The following GAA variants were observed in gnomAD, a reference collection of about 807,000 sequenced individuals.
The protein encoded by GAA is lysosomal alpha-glucosidase.
A neutral mutation model predicts 103.9 loss-of-function variants in GAA; 88 were observed. The observed-to-expected ratio is 0.85, with a 90% CI of 0.71 to 1.01. The LOEUF is 1.01. Among genes scored for constraint, GAA ranks in the 50% least tolerant of loss-of-function variants. The pLI is 0.00. For missense variants in GAA, 1,350 were observed against 1,305.3 expected, an observed-to-expected ratio of 1.03 and a Z score of -0.53; for synonymous variants, 572 against 563.1, an observed-to-expected ratio of 1.02 and a Z score of -0.22.
chr17:80,118,094 G>A (rs1024449129), intron 17 of GAA, 99 bp from the exon 18 acceptor site: 1 of 1,371,796 alleles, frequency 7.3e-7, no homozygotes, highest in African/African-American at 1.4e-5. Flanking sequence ...CCTAGTTACT[G>A]GCAGCCTGGT....
At chr17:80,111,714 A>G (rs2039240460) in intron 11 of GAA, 3 of 523,388 alleles carry the variant, frequency 5.7e-6, no homozygotes, top group Non-Finnish European at 1.0e-5. Flanking sequence ...AAATGGGCCA[A>G]GAGACGGTGG....
In GAA at chr17:80,108,563, A is replaced by C. The variant is rs2039151699; in HGVS notation, c.1150A>C (p.Thr384Pro). Reference protein sequence around the residue: ...CRWGYSSTAITRQVVENMTRA... With the variant: ...CRWGYSSTAIPRQVVENMTRA... Reference sequence around the variant, plus strand: ...CTGGGGCTACTCCTCCACCGCTATCACCCGCCAGGTGGTGGAGAACATGAC... The same window carrying C: ...CTGGGGCTACTCCTCCACCGCTATCCCCCGCCAGGTGGTGGAGAACATGAC... The change falls in exon 7 of 20, where the codon ACC becomes CCC. Residue 384 changes from threonine (T) to proline (P), a missense_variant. Thr to Pro is a conservative substitution (Grantham distance 38). Transcript: ENST00000302262. 6.2e-7 allele frequency: 1 copy of C among 1,612,510 alleles called. No homozygotes were observed.
In GAA at chr17:80,105,056, C is replaced by T; in HGVS notation, c.470C>T (p.Pro157Leu). The T allele has an allele frequency of 6.2e-7, 1 of 1,612,900 alleles. No homozygotes were observed. The highest frequency in any genetic ancestry group is 1.1e-5 in the South Asian group (1 of 91,084). ...GYTATLTRTT[P>L]TFFPKDILTL... The stretch of plus-strand genomic sequence containing the variant: ...ACGGCCACCCTGACCCGTACCACCC[C>T]CACCTTCTTCCCCAAGGACATCCTG... The change falls in exon 2 of 20, where the codon CCC becomes CTC. Residue 157 changes from proline to leucine, a missense_variant. Transcript: ENST00000302262.
intron 9 of GAA, 32 bp downstream of exon 9, chr17:80,110,087 A>G: frequency 6.4e-7 from 1 of 1,558,128 alleles, no homozygotes; most frequent in South Asian, 1.1e-5. Flanking sequence ...CGGGGGTTAG[A>G]AAGCAGAGGC....
intron 11 of GAA, 57 bp from the exon 12 acceptor site, chr17:80,111,926 G>A: frequency 6.9e-7 from 1 of 1,456,966 alleles, no homozygotes; most frequent in East Asian, 2.3e-5. Flanking sequence ...GGCAGGGAGG[G>A]CACCTTGGAG....
intron 17 of GAA, 137 bp downstream of exon 17, chr17:80,117,886 C>T: frequency 1.1e-6 from 1 of 916,562 alleles, no homozygotes; most frequent in Non-Finnish European, 1.6e-6. Flanking sequence ...TATCAAGGAG[C>T]CAGCCAGGCC....
At chr17:80,110,179 G>A in intron 9 of GAA, 124 bp downstream of exon 9, 1 of 747,100 alleles carries the variant, frequency 1.3e-6, no homozygotes, top group Non-Finnish European at 2.3e-6. Context: ...CAGCTGAGAG[G>A]AATGGGCCAC....
In GAA at chr17:80,108,622, TGGC is replaced by T. The variant is rs750576595; in HGVS notation, c.1194+16_1194+18del. On this transcript the variant is annotated intron_variant, in intron 7 of 19. Transcript: ENST00000302262. ...ACTTCCCCCTGGTGAGTTGGGGTGG[TGGC>T]AGGGGAGGCAAGGGGCTGGCCGGGA... 5 of 1,612,396 alleles carry T rather than the reference TGGC, an allele frequency of 3.1e-6. No individual in the cohort carries two copies. The African/African-American group carries it at 6.7e-5, about 22-fold the overall frequency.
chr17:80,109,969 C>T lies in GAA; in HGVS notation c.1351C>T (p.Pro451Ser), dbSNP rs1179634549. The T allele has an allele frequency of 6.2e-7, 1 of 1,613,370 alleles. No individual in the cohort carries two copies. Among genetic ancestry groups the T allele is most frequent in the East Asian group, 2.2e-5 (1 of 44,882 alleles). The stretch of plus-strand genomic sequence containing the variant: ...GGATCCTGCCATCAGCAGCTCGGGC[C>T]CTGCCGGGAGCTACAGGCCCTACGA... ...IVDPAISSSG[P>S]AGSYRPYDEG... The change falls in exon 9 of 20, where the codon CCT (proline) becomes TCT (serine). Residue 451 changes from proline to serine, a missense_variant. By Grantham distance (74) the Pro-to-Ser change is moderately conservative. Transcript: ENST00000302262.
chr17:80,105,809 C>A lies in GAA; in HGVS notation c.607C>A (p.Arg203=). 1 of 1,611,002 alleles carries A rather than the reference C, an allele frequency of 6.2e-7. No individual in the cohort carries two copies. The highest frequency in any genetic ancestry group is 8.5e-7 in the Non-Finnish European group (1 of 1,179,990). Residue 203 remains arginine, a synonymous_variant, in exon 3 of 20, where the codon CGG becomes AGG. Coordinates refer to ENST00000302262, the MANE Select transcript of GAA (RefSeq NM_000152.5). ...CTTGGAGACCCCGCATGTCCACAGC[C>A]GGGCACCGTCCCCACTCTACAGCGT... is the stretch of plus-strand genomic sequence containing the variant. ...VPLETPHVHS[R]APSPLYSVEF...
rs754822162 is a variant in GAA, at chr17:80,119,380, A to G, written c.*49A>G. 6.6e-7 allele frequency: 1 copy of G among 1,519,556 alleles called. No homozygotes were observed. Among genetic ancestry groups the G allele is most frequent in the Non-Finnish European group, 9.1e-7 (1 of 1,094,370 alleles). 94.1% of individuals were successfully genotyped at this position (1,519,556 alleles called of 1,614,324 possible). On this transcript the variant is annotated 3_prime_UTR_variant, in exon 20 of 20. Coordinates refer to ENST00000302262, the MANE Select transcript of GAA (RefSeq NM_000152.5). Reference sequence around the variant, plus strand: ...CCAGAGGGAGGCTGGTTCCCCAGGGAAGCAGAGCCTGTGTGCGGGCAGCAG... The same window carrying G: ...CCAGAGGGAGGCTGGTTCCCCAGGGGAGCAGAGCCTGTGTGCGGGCAGCAG...
intron 14 of GAA, 37 bp downstream of exon 14, chr17:80,113,064 C>G (rs1229434728): frequency 6.3e-7 from 1 of 1,578,908 alleles, no homozygotes; most frequent in African/African-American, 1.3e-5. Flanking sequence ...GTGGGCGATC[C>G]CACCCACCCA....
In GAA at chr17:80,110,936, T is replaced by G; in HGVS notation, c.1552-5T>G. ...AGTCACCTACCAGCAGCGCTTCTCT[T>G]GCAGGACATGAACGAGCCTTCCAAC... On this transcript the variant is annotated splice_region_variant and splice_polypyrimidine_tract_variant and intron_variant, in intron 10 of 19. Transcript: ENST00000302262. The G allele has an allele frequency of 6.2e-7, 1 of 1,613,940 alleles. No homozygotes were observed. Among genetic ancestry groups the G allele is most frequent in the South Asian group, 1.1e-5 (1 of 91,090 alleles).
chr17:80,118,412 G>A (rs141765552), intron 18 of GAA, 55 bp downstream of exon 18: 1 of 1,556,098 alleles, frequency 6.4e-7, no homozygotes, highest in Admixed American at 1.8e-5. Context: ...GGGTTGAGAA[G>A]GGGTGAGGGG....
intron 13 of GAA, 68 bp from the exon 14 acceptor site, chr17:80,112,808 C>G: frequency 6.3e-7 from 1 of 1,580,544 alleles, no homozygotes; most frequent in Non-Finnish European, 8.6e-7. Flanking sequence ...AGGTGGGGCT[C>G]TGGGTCACTT....
Position 80,117,245 on chromosome 17 carries a change from C to G in GAA, c.2331+136C>G, listed in dbSNP as rs369896995. 8.6e-6 allele frequency: 8 copies of G among 935,418 alleles called. No individual in the cohort carries two copies. In the African/African-American group the frequency reaches 9.8e-5, roughly 11 times the overall value. The allele number at this position is 935,418 out of a possible 1,614,324, so 57.9% of individuals were successfully genotyped here. A position where few individuals can be genotyped will look rare whatever the true frequency, so the allele number is the denominator to read the frequency against. Reference sequence around the variant, plus strand: ...TTGAGTCCCGGCCATGTGCCAGGCCCCCACCCGGCTGCTCCGCACCCATCA... The same window carrying G: ...TTGAGTCCCGGCCATGTGCCAGGCCGCCACCCGGCTGCTCCGCACCCATCA... On this transcript the variant is annotated intron_variant, in intron 16 of 19. Transcript: ENST00000302262.
rs777770948 is a variant in GAA at position 80,108,575 on chromosome 17, G to C, written c.1162G>C (p.Val388Leu). Residue 388 changes from valine (V) to leucine (L), a missense_variant, in exon 7 of 20, where the codon GTG becomes CTG. Coordinates refer to ENST00000302262, the MANE Select transcript of GAA (RefSeq NM_000152.5). ...YSSTAITRQVVENMTRAHFPL... is the reference protein window; with the variant it reads ...YSSTAITRQVLENMTRAHFPL... ...CTCCACCGCTATCACCCGCCAGGTGGTGGAGAACATGACCAGGGCCCACTT... is the reference window on the plus strand; with the variant it reads ...CTCCACCGCTATCACCCGCCAGGTGCTGGAGAACATGACCAGGGCCCACTT... 2.5e-6 allele frequency: 4 copies of C among 1,612,790 alleles called. No homozygotes were observed. The highest frequency in any genetic ancestry group is 3.4e-6 in the Non-Finnish European group (4 of 1,179,910).
At position 80,119,818 on chromosome 17, in the gene GAA, A is replaced by G. The variant is rs1381812757; in HGVS notation, c.*487A>G. The G allele has an allele frequency of 2.1e-5, 4 of 191,958 alleles. No homozygotes were observed. The Admixed American group carries it at 2.1e-4, about 10-fold the overall frequency. 11.9% of individuals were successfully genotyped at this position (191,958 alleles called of 1,614,324 possible). ...AGCCTGGGAACTCAGGAAAATTCAC[A>G]GGACTTGGGAGATTCTAAATCTTAA... On this transcript the variant is annotated 3_prime_UTR_variant, in exon 20 of 20. Coordinates refer to ENST00000302262, the MANE Select transcript of GAA (RefSeq NM_000152.5).
chr17:80,118,840 C>T (rs1200280244), intron 19 of GAA, 35 bp downstream of exon 19: 1 of 1,610,502 alleles, frequency 6.2e-7, no homozygotes, highest in Non-Finnish European at 8.5e-7. Flanking sequence ...GGATCGCGTC[C>T]CCCAGCCGTG....
Sources: gnomAD v4.1 joint callset for allele counts on GRCh38, gnomAD v4.1.1 for gene constraint, MANE v1.5 for transcripts, NCBI Gene and HGNC (gene_info 2026-07-23, HGNC 2026-07-21) for gene names.